SACM1L: variants seen among roughly 807,000 people sequenced by gnomAD.
SACM1L encodes SAC1 like phosphatidylinositide phosphatase.
A neutral mutation model predicts 89.5 loss-of-function variants in SACM1L; 32 were observed. The observed-to-expected ratio is 0.36, with a 90% CI of 0.27 to 0.48. The LOEUF (loss-of-function observed/expected upper bound fraction) is 0.48. Ranked by LOEUF, SACM1L falls within the 20% of genes least tolerant of loss-of-function variation. The pLI is 0.99. For synonymous variants in SACM1L, 213 were observed against 232.8 expected, an observed-to-expected ratio of 0.92 and a Z score of 0.77; for missense variants, 543 against 708.5, an observed-to-expected ratio of 0.77 and a Z score of 2.65.
At position 45,722,022 on chromosome 3, in the gene SACM1L, AG is replaced by A; in HGVS notation, c.703del (p.Ala235LeufsTer4). ...TAGGAATTGATTCGGAAGGCCATGC[AG>A]CTAACTTTGTAGAAACAGAACAAAT... ...VRGIDSEGHAANFVETEQIVH... is the reference protein window; with the variant it reads ...VRGIDSEGHAXNFVETEQIVH... On this transcript the variant is annotated frameshift_variant, in exon 9 of 20. Transcript: ENST00000389061. LOFTEE classifies it high-confidence loss of function. The A allele has an allele frequency of 6.2e-7, 1 of 1,612,450 alleles. No individual in the cohort carries two copies. The highest frequency in any genetic ancestry group is 1.1e-5 in the South Asian group (1 of 90,774).
At chr3:45,728,140 T>C (rs1055378179) in intron 11 of SACM1L, among the ~76,000 whole-genome samples, 4 of 152,242 alleles carry the variant, frequency 2.6e-5, no homozygotes, top group African/African-American at 7.2e-5. Context: ...GCACAAAATA[T>C]CTTTTTTCAT....
intron 3 of SACM1L, among the ~76,000 whole-genome samples, chr3:45,705,981 A>G (rs1436793023): frequency 6.6e-6 from 1 of 152,228 alleles, no homozygotes; most frequent in African/African-American, 2.4e-5. Context: ...TTCAGGCATC[A>G]TGCTAGATGC....
At chr3:45,719,654 G>A in intron 8 of SACM1L, 53 bp downstream of exon 8, 1 of 1,038,646 alleles carries the variant, frequency 9.6e-7, no homozygotes, top group Non-Finnish European at 1.4e-6. Context: ...TTGTCTTACG[G>A]TGACACGAAT....
intron 19 of SACM1L, 55 bp from the exon 20 acceptor site, chr3:45,743,478 T>C (rs1259415623): frequency 6.6e-7 from 1 of 1,517,118 alleles, no homozygotes; most frequent in Admixed American, 2.3e-5. Context: ...AGCTGAAAAC[T>C]GGGTCTGATA....
chr3:45,707,021 T>C (rs754631292), intron 4 of SACM1L, 114 bp downstream of exon 4: 82 of 977,236 alleles, frequency 8.4e-5, no homozygotes, highest in Non-Finnish European at 1.2e-4. Context: ...TTTAACAACC[T>C]ATAGAGTAAG....
intron 12 of SACM1L, among the ~76,000 whole-genome samples, chr3:45,731,750 C>T (rs1434138216): frequency 6.6e-6 from 1 of 152,140 alleles, no homozygotes; most frequent in East Asian, 1.9e-4. Context: ...TGTGTTTCTC[C>T]TCTACTCCTC....
At chr3:45,704,221 A>G (rs896631348) in intron 2 of SACM1L, among the ~76,000 whole-genome samples, 11 of 152,266 alleles carry the variant, frequency 7.2e-5, no homozygotes, top group South Asian at 2.1e-4. Flanking sequence ...TAAAGATTCT[A>G]TTCACCCCCA....
intron 11 of SACM1L, chr3:45,730,472 A>G (rs1245873243): frequency 6.6e-6 from 1 of 152,126 alleles, no homozygotes; most frequent in Non-Finnish European, 1.5e-5. Context: ...TTGAATTCCA[A>G]GAACTGAAAT....
intron 16 of SACM1L, 74 bp from the exon 17 acceptor site, chr3:45,738,504 T>A: frequency 1.2e-6 from 1 of 840,042 alleles, no homozygotes; most frequent in Non-Finnish European, 2.0e-6. Context: ...CTATACCTTA[T>A]GCTTATTGGC....
At chr3:45,707,488 T>C (rs538665804) in intron 4 of SACM1L, among the ~76,000 whole-genome samples, 1 of 152,112 alleles carries the variant, frequency 6.6e-6, no homozygotes, top group South Asian at 2.1e-4. Context: ...AAGATGAAGG[T>C]GCAAAAAAAC....
chr3:45,743,042 AC>A (rs1241203177), intron 19 of SACM1L: 2 of 152,358 alleles, frequency 1.3e-5, no homozygotes, highest in African/African-American at 2.4e-5. Flanking sequence ...AATATACATA[AC>A]TTCAGAAAAG....
intron 8 of SACM1L, 132 bp from the exon 9 acceptor site, chr3:45,721,868 T>C (rs1698795220): frequency 1.6e-6 from 1 of 621,806 alleles, no homozygotes; most frequent in African/African-American, 1.9e-5. Context: ...TTGTTTGAAT[T>C]GTATTTTCAT....
Position 45,722,961 on chromosome 3 carries a change from T to TAC in SACM1L, c.852+7_852+8insCA, listed in dbSNP as rs1159484900. The TAC allele has an allele frequency of 1.2e-6, 2 of 1,607,076 alleles. No homozygotes were observed. Among genetic ancestry groups the TAC allele is most frequent in the Admixed American group, 1.7e-5 (1 of 59,798 alleles). On this transcript the variant is annotated splice_region_variant and intron_variant, in intron 10 of 19. Coordinates refer to ENST00000389061, the MANE Select transcript of SACM1L (RefSeq NM_014016.5). The stretch of plus-strand genomic sequence containing the variant: ...TCAGCAAAGTAGCAAATCACGTGTG[T>TAC]ATCTTGCATGCCTTTTTTGTTGGTT...
At chr3:45,734,459 A>C (rs1457074588) in intron 13 of SACM1L, 1 of 151,994 alleles carries the variant, frequency 6.6e-6, no homozygotes, top group East Asian at 1.9e-4. Context: ...ATTTAAAAAA[A>C]ATTTTTTTTA....
chr3:45,719,299 A>T (rs1198944993), intron 7 of SACM1L, among the ~76,000 whole-genome samples: 1 of 152,148 alleles, frequency 6.6e-6, no homozygotes, highest in African/African-American at 2.4e-5. Context: ...TAAACATACT[A>T]CCTTCGTGTC....
intron 1 of SACM1L, chr3:45,689,889 C>T (rs1268125698): frequency 7.4e-6 from 2 of 269,756 alleles, no homozygotes; most frequent in Non-Finnish European, 1.4e-5. Context: ...ACTTAACGGA[C>T]CTACAGCAGC....
chr3:45,739,042 A>G (rs940335542), intron 18 of SACM1L, among the ~76,000 whole-genome samples, 169 bp downstream of exon 18: 1 of 152,146 alleles, frequency 6.6e-6, no homozygotes, highest in Admixed American at 6.6e-5. Context: ...GTAACTGTGG[A>G]GCATTTGTTT....
intron 4 of SACM1L, 35 bp downstream of exon 4, chr3:45,706,942 C>T (rs201533862): frequency 7.5e-6 from 12 of 1,605,344 alleles, no homozygotes; most frequent in South Asian, 1.1e-5. Context: ...TTGCAGCGCC[C>T]AAAGAAGTAG....
At chr3:45,741,595 G>A (rs747688977) in intron 19 of SACM1L, among the ~76,000 whole-genome samples, 1 of 152,122 alleles carries the variant, frequency 6.6e-6, no homozygotes, top group African/African-American at 2.4e-5. Context: ...TTGATAGGGA[G>A]GCTCAGTTAC....
Sources: allele counts gnomAD v4.1 joint callset (sites outside exome capture counted in the v4.1 genomes callset), GRCh38; gene constraint gnomAD v4.1.1; transcripts MANE v1.5; gene names NCBI Gene and HGNC (gene_info 2026-07-23, HGNC 2026-07-21).